The following PCDHB14 variants were observed in gnomAD, a reference collection of about 807,000 sequenced individuals.
PCDHB14 encodes protocadherin beta-14.
For missense variants in PCDHB14, 1,129 were observed against 1,000.5 expected (o/e 1.13, Z -1.73); for synonymous variants, 511 against 441.5 (o/e 1.16, Z -1.97).
Position 141,224,769 on chromosome 5 carries a change from A to T in PCDHB14, c.1264A>T (p.Thr422Ser), listed in dbSNP as rs1754801522. The T allele has an allele frequency of 2.5e-6, 4 of 1,614,190 alleles. No homozygotes were observed. Among genetic ancestry groups the T allele is most frequent in the Middle Eastern group, 3.3e-4 (2 of 6,056 alleles). The change falls in exon 1 of 1, where the codon ACC (threonine) becomes TCC (serine). Residue 422 changes from threonine to serine, a missense_variant. By Grantham distance (58) the Thr-to-Ser change is moderately conservative. Coordinates refer to ENST00000239449, the MANE Select transcript of PCDHB14 (RefSeq NM_018934.4). ...ESQAEYNITI[T>S]VTDLGTPRLK... ...CCAAGCCGAGTACAACATCACGATCACCGTCACAGACTTGGGGACACCCAG... is the reference window on the plus strand; with the variant it reads ...CCAAGCCGAGTACAACATCACGATCTCCGTCACAGACTTGGGGACACCCAG...
chr5:141,225,094 G>A lies in PCDHB14; in HGVS notation c.1589G>A (p.Arg530His), dbSNP rs370360628. Residue 530 changes from arginine (R) to histidine (H), a missense_variant, in exon 1 of 1, where the codon CGC (arginine) becomes CAC (histidine). By Grantham distance (29) the Arg-to-His change is conservative. Transcript: ENST00000239449. ...DYEALQEFEF[R>H]VGATDRGSPA... ...GAGGCCCTACAGGAGTTCGAGTTTC[G>A]CGTGGGCGCCACAGACCGCGGGTCC... 5.0e-5 allele frequency: 80 copies of A among 1,612,080 alleles called. No homozygotes were observed. The highest frequency in any genetic ancestry group is 6.1e-5 in the Non-Finnish European group (72 of 1,179,868).
At position 141,225,006 on chromosome 5, in the gene PCDHB14, G is replaced by A. The variant is rs782732320; in HGVS notation, c.1501G>A (p.Ala501Thr). 6.2e-6 allele frequency: 10 copies of A among 1,612,604 alleles called. No individual in the cohort carries two copies. Among genetic ancestry groups the A allele is most frequent in the South Asian group, 2.2e-5 (2 of 91,016 alleles). The change falls in exon 1 of 1, where the codon GCC (alanine) becomes ACC (threonine). Residue 501 changes from alanine to threonine, a missense_variant. By Grantham distance (58) the Ala-to-Thr change is moderately conservative. Transcript: ENST00000239449. Reference sequence around the variant, plus strand: ...GCCCCAGGACCGGCACCTGCCCCTCGCCTCCTTGGTCTCCATCAACGCGGA... The same window carrying A: ...GCCCCAGGACCGGCACCTGCCCCTCACCTCCTTGGTCTCCATCAACGCGGA... ...LPPQDRHLPL[A>T]SLVSINADNG...
rs147283704 is a variant in PCDHB14 at position 141,223,533 on chromosome 5, C to T, written c.28C>T (p.Arg10Ter). 2.5e-4 allele frequency: 400 copies of T among 1,612,062 alleles called. 1 individual carries two copies. Among genetic ancestry groups the T allele is most frequent in the Non-Finnish European group, 5.7e-5 (67 of 1,178,580 alleles). The stretch of plus-strand genomic sequence containing the variant: ...GGAGATCAGAGGGGCACTCGATCTG[C>T]GAAAAAGGCAAGTTCTAATATTCCT... MEIRGALDL[R>*]KRQVLIFLVL... The change falls in exon 1 of 1, where the codon CGA becomes TGA. Residue 10 changes from arginine to a stop codon, truncating the protein, a stop_gained. Transcript: ENST00000239449. LOFTEE classifies it low-confidence loss of function (END_TRUNC).
rs201211545 is a variant in PCDHB14, at chr5:141,225,351, G to A, written c.1846G>A (p.Gly616Ser). 1.9e-5 allele frequency: 30 copies of A among 1,603,100 alleles called. No individual in the cohort carries two copies. The highest frequency in any genetic ancestry group is 8.8e-5 in the South Asian group (8 of 90,896). The change falls in exon 1 of 1, where the codon GGC (glycine) becomes AGC (serine). Residue 616 changes from glycine (G) to serine (S), a missense_variant. Coordinates refer to ENST00000239449, the MANE Select transcript of PCDHB14 (RefSeq NM_018934.4). Reference protein sequence around the residue: ...LLKATEPGLFGVWAHNGEVRT... With the variant: ...LLKATEPGLFSVWAHNGEVRT... ...CAAGGCCACGGAGCCCGGGCTGTTC[G>A]GCGTGTGGGCGCACAATGGCGAGGT... is the stretch of plus-strand genomic sequence containing the variant.
chr5:141,225,210 T>C lies in PCDHB14; in HGVS notation c.1705T>C (p.Ser569Pro). Residue 569 changes from serine to proline, a missense_variant, in exon 1 of 1, where the codon TCC (serine) becomes CCC (proline). Transcript: ENST00000239449. ...PFVLYPLQNG[S>P]APCTELVPRA... ...CGTGCTGTACCCGCTGCAGAACGGC[T>C]CCGCGCCCTGCACCGAGCTGGTGCC... is the stretch of plus-strand genomic sequence containing the variant. 6.2e-7 allele frequency: 1 copy of C among 1,606,196 alleles called. No individual in the cohort carries two copies.
At position 141,224,144 on chromosome 5, in the gene PCDHB14, A is replaced by C; in HGVS notation, c.639A>C (p.Thr213=). The C allele has an allele frequency of 6.2e-7, 1 of 1,614,134 alleles. No homozygotes were observed. The highest frequency in any genetic ancestry group is 8.5e-7 in the Non-Finnish European group (1 of 1,180,038). The part of the protein sequence containing the change: ...EQEAELRLTL[T]AVDGGSPPKS... ...AAGCTGAACTCAGATTAACACTCAC[A>C]GCAGTGGATGGTGGATCCCCGCCCA... The change falls in exon 1 of 1, where the codon ACA becomes ACC. Residue 213 remains threonine (T), a synonymous_variant. Coordinates refer to ENST00000239449, the MANE Select transcript of PCDHB14 (RefSeq NM_018934.4).
In PCDHB14 at chr5:141,226,355, C is replaced by T. The variant is rs1166388245; in HGVS notation, c.*453C>T. ...TGAAAATGTTCTTTAGAAAGGGTAACAAAGATGCTATCCCTCCATTTTCAG... is the reference window on the plus strand; with the variant it reads ...TGAAAATGTTCTTTAGAAAGGGTAATAAAGATGCTATCCCTCCATTTTCAG... On this transcript the variant is annotated 3_prime_UTR_variant, in exon 1 of 1. Coordinates refer to ENST00000239449, the MANE Select transcript of PCDHB14 (RefSeq NM_018934.4). 1 of 159,744 alleles carries T rather than the reference C, an allele frequency of 6.3e-6. No individual in the cohort carries two copies. The highest frequency in any genetic ancestry group is 6.5e-5 in the Admixed American group (1 of 15,430). 9.9% of individuals were successfully genotyped at this position (159,744 alleles called of 1,614,324 possible). A position where few individuals can be genotyped will look rare whatever the true frequency, so the allele number is the denominator to read the frequency against.
chr5:141,224,993 G>C lies in PCDHB14; in HGVS notation c.1488G>C (p.Arg496=). Residue 496 remains arginine, a synonymous_variant, in exon 1 of 1, where the codon CGG becomes CGC. Transcript: ENST00000239449. ...ACTCGCTGCTGCCGCCCCAGGACCG[G>C]CACCTGCCCCTCGCCTCCTTGGTCT... ...VNYSLLPPQD[R]HLPLASLVSI... is the part of the protein sequence containing the mutation. The C allele has an allele frequency of 6.2e-7, 1 of 1,612,572 alleles. No individual in the cohort carries two copies. Among genetic ancestry groups the C allele is most frequent in the Non-Finnish European group, 8.5e-7 (1 of 1,180,032 alleles).
rs939379090 is a variant in PCDHB14, at chr5:141,227,556, T to G, written c.*1654T>G. On this transcript the variant is annotated 3_prime_UTR_variant, in exon 1 of 1. Transcript: ENST00000239449. ...CATTTTGAAATTGCTCTTACAAGAT[T>G]AAATACTATTATAGACCAGATGATG... 2 of 152,202 alleles carry G rather than the reference T, an allele frequency of 1.3e-5. No individual in the cohort carries two copies. The highest frequency in any genetic ancestry group is 1.5e-5 in the Non-Finnish European group (1 of 68,032). 9.4% of individuals were successfully genotyped at this position (152,202 alleles called of 1,614,324 possible).
Position 141,226,391 on chromosome 5 carries a change from C to A in PCDHB14, c.*489C>A, listed in dbSNP as rs534846562. On this transcript the variant is annotated 3_prime_UTR_variant, in exon 1 of 1. Coordinates refer to ENST00000239449, the MANE Select transcript of PCDHB14 (RefSeq NM_018934.4). ...TCCCTCCATTTTCAGTTCTGGAGAA[C>A]CTTATTAGTTTTTCAAATATTTACT... 1 of 155,010 alleles carries A rather than the reference C, an allele frequency of 6.5e-6. No homozygotes were observed. The highest frequency in any genetic ancestry group is 1.5e-5 in the Non-Finnish European group (1 of 68,328). 9.6% of individuals were successfully genotyped at this position (155,010 alleles called of 1,614,324 possible). A position where few individuals can be genotyped will look rare whatever the true frequency, so the allele number is the denominator to read the frequency against.
rs200583847 is a variant in PCDHB14 at position 141,225,591 on chromosome 5, T to C, written c.2086T>C (p.Ser696Pro). ...LTVYLVVALASVSSLFLFSVL... is the reference protein window; with the variant it reads ...LTVYLVVALAPVSSLFLFSVL... The stretch of plus-strand genomic sequence containing the variant: ...CGTCTACCTGGTGGTGGCATTGGCC[T>C]CGGTGTCGTCGCTCTTCCTCTTCTC... Residue 696 changes from serine (S) to proline (P), a missense_variant, in exon 1 of 1, where the codon TCG (serine) becomes CCG (proline). Physicochemically the swap from Ser to Pro is moderately conservative, Grantham distance 74 (BLOSUM62 -1). Coordinates refer to ENST00000239449, the MANE Select transcript of PCDHB14 (RefSeq NM_018934.4). 44 of 1,611,310 alleles carry C rather than the reference T, an allele frequency of 2.7e-5. No individual in the cohort carries two copies.
chr5:141,224,189 T>C lies in PCDHB14; in HGVS notation c.684T>C (p.Val228=). 6.2e-7 allele frequency: 1 copy of C among 1,614,046 alleles called. No individual in the cohort carries two copies. Among genetic ancestry groups the C allele is most frequent in the Non-Finnish European group, 8.5e-7 (1 of 1,180,020 alleles). The change falls in exon 1 of 1, where the codon GTT becomes GTC. Residue 228 remains valine, a synonymous_variant. Coordinates refer to ENST00000239449, the MANE Select transcript of PCDHB14 (RefSeq NM_018934.4). Reference sequence around the variant, plus strand: ...CGCCCAAGTCTGGGACAACTTTGGTTCTCATCAAGGTGTTGGACATCAATG... The same window carrying C: ...CGCCCAAGTCTGGGACAACTTTGGTCCTCATCAAGGTGTTGGACATCAATG... ...GSPPKSGTTL[V]LIKVLDINDN...
At position 141,225,860 on chromosome 5, in the gene PCDHB14, A is replaced by T. The variant is rs1754850118; in HGVS notation, c.2355A>T (p.Glu785Asp). The change falls in exon 1 of 1, where the codon GAA becomes GAT. Residue 785 changes from glutamate (E) to aspartate (D), a missense_variant. Transcript: ENST00000239449. ...ATGACACTGGTAGGAATATGGGGGA[A>T]ATCGAGAACTTTCGAAATAGCTTTG... The part of the protein sequence containing the change: ...QVHDTGRNMG[E>D]IENFRNSFGL... 6.2e-7 allele frequency: 1 copy of T among 1,613,804 alleles called. No homozygotes were observed.
rs1554288957 is a variant in PCDHB14, at chr5:141,223,492, T to G, written c.-14T>G. On this transcript the variant is annotated 5_prime_UTR_variant, in exon 1 of 1. In the 5' UTR this introduces an upstream ATG that the reference lacks. Coordinates refer to ENST00000239449, the MANE Select transcript of PCDHB14 (RefSeq NM_018934.4). ...GAGCTTCAGTTTTTCCACAAGAGAT[T>G]GCCTAAAGGAACCATGGAGATCAGA... 1 of 1,563,514 alleles carries G rather than the reference T, an allele frequency of 6.4e-7. No homozygotes were observed. The highest frequency in any genetic ancestry group is 1.2e-5 in the South Asian group (1 of 83,904).
Position 141,226,949 on chromosome 5 carries a change from G to T in PCDHB14, c.*1047G>T, listed in dbSNP as rs550046052. The T allele has an allele frequency of 3.9e-5, 6 of 152,138 alleles. No individual in the cohort carries two copies. Among genetic ancestry groups the T allele is most frequent in the African/African-American group, 1.4e-4 (6 of 41,394 alleles). The allele number at this position is 152,138 out of a possible 1,614,324, so 9.4% of individuals were successfully genotyped here. A position where few individuals can be genotyped will look rare whatever the true frequency, so the allele number is the denominator to read the frequency against. On this transcript the variant is annotated 3_prime_UTR_variant, in exon 1 of 1. Transcript: ENST00000239449. ...GGGCTCAGGCAATCCTCCTGCTTCG[G>T]CCTATTAAATAGCTCAAACTACAGG... is the stretch of plus-strand genomic sequence containing the variant.
In PCDHB14 at chr5:141,224,828, C is replaced by A. The variant is rs201193080; in HGVS notation, c.1323C>A (p.Leu441=). 1 of 1,614,074 alleles carries A rather than the reference C, an allele frequency of 6.2e-7. No individual in the cohort carries two copies. Among genetic ancestry groups the A allele is most frequent in the South Asian group, 1.1e-5 (1 of 91,082 alleles). The change falls in exon 1 of 1, where the codon CTC becomes CTA. Residue 441 remains leucine (L), a synonymous_variant. Coordinates refer to ENST00000239449, the MANE Select transcript of PCDHB14 (RefSeq NM_018934.4). ...LKTEYNITVL[L]SDVNDNAPTF... ...CCGAGTACAACATAACCGTGCTGCT[C>A]TCTGACGTCAATGACAACGCCCCCA...
Position 141,225,573 on chromosome 5 carries a change from C to T in PCDHB14, c.2068C>T (p.Leu690=). 1 of 1,611,438 alleles carries T rather than the reference C, an allele frequency of 6.2e-7. No homozygotes were observed. Among genetic ancestry groups the T allele is most frequent in the Admixed American group, 1.7e-5 (1 of 60,022 alleles). ...CCAGGCCGACTCCCTCACCGTCTAC[C>T]TGGTGGTGGCATTGGCCTCGGTGTC... is the stretch of plus-strand genomic sequence containing the variant. ...QAQADSLTVY[L]VVALASVSSL... The change falls in exon 1 of 1, where the codon CTG becomes TTG. Residue 690 remains leucine, a synonymous_variant. Transcript: ENST00000239449.
rs535871138 is a variant in PCDHB14, at chr5:141,223,397, G to T, written c.-109G>T. 7 of 768,556 alleles carry T rather than the reference G, an allele frequency of 9.1e-6. No individual in the cohort carries two copies. The Admixed American group carries it at 1.7e-4, about 19-fold the overall frequency. The allele number at this position is 768,556 out of a possible 1,614,324, so 47.6% of individuals were successfully genotyped here. On this transcript the variant is annotated 5_prime_UTR_variant, in exon 1 of 1. Transcript: ENST00000239449. ...GCATTAAAGGAGCTTCGCCTACAGA[G>T]CTGCTGGAGGATACACTCTCCAGGG...
chr5:141,226,948 G>A lies in PCDHB14; in HGVS notation c.*1046G>A, dbSNP rs1290247692. On this transcript the variant is annotated 3_prime_UTR_variant, in exon 1 of 1. Coordinates refer to ENST00000239449, the MANE Select transcript of PCDHB14 (RefSeq NM_018934.4). ...TGGGCTCAGGCAATCCTCCTGCTTC[G>A]GCCTATTAAATAGCTCAAACTACAG... is the stretch of plus-strand genomic sequence containing the variant. The A allele has an allele frequency of 3.3e-5, 5 of 152,010 alleles. No homozygotes were observed. Among genetic ancestry groups the A allele is most frequent in the African/African-American group, 4.8e-5 (2 of 41,364 alleles). 9.4% of individuals were successfully genotyped at this position (152,010 alleles called of 1,614,324 possible).
Sources: gnomAD v4.1 joint callset for allele counts on GRCh38, gnomAD v4.1.1 for gene constraint, MANE v1.5 for transcripts, NCBI Gene and HGNC (gene_info 2026-07-23, HGNC 2026-07-21) for gene names.